Variants in SH3D19 observed in about 807,000 individuals in gnomAD.
The protein encoded by SH3D19 is SH3 domain-containing protein 19.
SH3D19 carries 58 observed loss-of-function variants against 112.1 expected under a neutral mutation model. That is an observed-to-expected ratio of 0.52 (90% CI 0.42 to 0.64). The LOEUF is 0.64. SH3D19 is among the 30% of genes least tolerant of loss of function. The pLI is 0.00. For missense variants in SH3D19, 1,090 were observed against 1,263.4 expected (o/e 0.86, Z 2.08); for synonymous variants, 391 against 448.5 (o/e 0.87, Z 1.62).
intron 3 of SH3D19, among the ~76,000 whole-genome samples, chr4:151,182,065 T>C (rs1370850757): frequency 6.6e-6 from 1 of 152,084 alleles, no homozygotes; most frequent in African/African-American, 2.4e-5. Context: ...ATTGGCTCAC[T>C]GCAGCCTCGA....
In SH3D19 at chr4:151,161,261, G is replaced by A. The variant is rs116911155; in HGVS notation, c.1643-1909C>T. 5.1e-4 allele frequency among the ~76,000 whole-genome samples: 78 copies of A among 152,224 alleles called. No homozygotes were observed. The East Asian group carries it at 0.013, about 26-fold the overall frequency. On this transcript the variant is annotated intron_variant, in intron 8 of 19. Transcript: ENST00000604030. ...AACCTGGTCAGAAGAAACAGGCCCC[G>A]GGGAAAGGAGCTGACAGGTTCAAAT...
At chr4:151,162,134 T>G (rs1757268078) in intron 8 of SH3D19, among the ~76,000 whole-genome samples, 1 of 151,982 alleles carries the variant, frequency 6.6e-6, no homozygotes. Context: ...TTTGTCCTAA[T>G]GCTCTCCCTC....
intron 1 of SH3D19, chr4:151,283,070 C>T: frequency 1.3e-6 from 2 of 1,582,112 alleles, no homozygotes; most frequent in Non-Finnish European, 1.7e-6. Flanking sequence ...GCTGCCCCTG[C>T]ACTTTTCTAG....
intron 1 of SH3D19, among the ~76,000 whole-genome samples, chr4:151,278,631 T>C (rs1773880785): frequency 6.6e-6 from 1 of 151,738 alleles, no homozygotes; most frequent in African/African-American, 2.4e-5. Context: ...TCTCACCACA[T>C]TTTTTTCCTT....
intron 2 of SH3D19, among the ~76,000 whole-genome samples, chr4:151,198,041 C>T (rs1442474175): frequency 6.6e-6 from 1 of 151,956 alleles, no homozygotes; most frequent in African/African-American, 2.4e-5. Flanking sequence ...TGCGGTGGCT[C>T]ATGCCTGTAA....
At chr4:151,282,544 T>C in intron 1 of SH3D19, 1 of 866,094 alleles carries the variant, frequency 1.2e-6, no homozygotes, top group East Asian at 2.7e-5. Flanking sequence ...TGATATTATC[T>C]ATAAGTTTTT....
intron 1 of SH3D19, among the ~76,000 whole-genome samples, chr4:151,232,217 C>G (rs555636153): frequency 6.6e-6 from 1 of 152,280 alleles, no homozygotes; most frequent in African/African-American, 2.4e-5. Flanking sequence ...AAGAAGCAGA[C>G]TATCTCTGGA....
At chr4:151,172,212 A>G (rs541322862) in intron 7 of SH3D19, among the ~76,000 whole-genome samples, 6 of 152,294 alleles carry the variant, frequency 3.9e-5, no homozygotes, top group African/African-American at 9.6e-5. Flanking sequence ...TACAATGACA[A>G]TGCTACCAAA....
intron 3 of SH3D19, among the ~76,000 whole-genome samples, chr4:151,183,447 T>C (rs1342064395): frequency 1.3e-5 from 2 of 152,342 alleles, no homozygotes; most frequent in East Asian, 3.9e-4. Flanking sequence ...GCGATCGTCC[T>C]ACTCAAACTT....
intron 2 of SH3D19, among the ~76,000 whole-genome samples, chr4:151,190,238 G>A (rs964277209): frequency 1.1e-4 from 17 of 152,178 alleles, no homozygotes; most frequent in Non-Finnish European, 2.4e-4. Flanking sequence ...TTTTATAAGG[G>A]AAGCAGAGCA....
At chr4:151,265,115 T>TA (rs561672250) in intron 1 of SH3D19, among the ~76,000 whole-genome samples, 3 of 151,696 alleles carry the variant, frequency 2.0e-5, no homozygotes, top group Non-Finnish European at 4.4e-5. Context: ...TCCATACATA[T>TA]AAAAAAAGAA....
At chr4:151,255,242 C>G (rs1464298699) in intron 1 of SH3D19, among the ~76,000 whole-genome samples, 1 of 147,720 alleles carries the variant, frequency 6.8e-6, no homozygotes, top group East Asian at 2.1e-4. Flanking sequence ...GGGCGGCTGC[C>G]GGGCGGAGGG....
At chr4:151,264,874 G>A (rs896784788) in intron 1 of SH3D19, among the ~76,000 whole-genome samples, 12 of 151,630 alleles carry the variant, frequency 7.9e-5, no homozygotes, top group African/African-American at 2.2e-4. Context: ...CATAGGATGC[G>A]GATTAAAATA....
At chr4:151,127,101 C>A (rs531800930) in intron 19 of SH3D19, among the ~76,000 whole-genome samples, 1 of 151,922 alleles carries the variant, frequency 6.6e-6, no homozygotes, top group South Asian at 2.1e-4. Flanking sequence ...TTAGTAGAGA[C>A]GGGGTTTCAC....
At chr4:151,282,150 C>A in intron 1 of SH3D19, 1 of 1,613,618 alleles carries the variant, frequency 6.2e-7, no homozygotes, top group East Asian at 2.2e-5. Context: ...CCCCATAGGA[C>A]CTGGACTACT....
chr4:151,263,471 A>G (rs1772531805), intron 1 of SH3D19, among the ~76,000 whole-genome samples: 1 of 152,246 alleles, frequency 6.6e-6, no homozygotes, highest in African/African-American at 2.4e-5. Context: ...TTAGTTATCT[A>G]TTGCAGTACA....
chr4:151,270,072 T>A (rs1040714735), intron 1 of SH3D19, among the ~76,000 whole-genome samples: 10 of 151,972 alleles, frequency 6.6e-5, no homozygotes, highest in African/African-American at 2.4e-4. Context: ...TTTTTTTTTT[T>A]AAAGTAGACA....
intron 9 of SH3D19, among the ~76,000 whole-genome samples, chr4:151,150,824 T>TGTTATAGCC (rs1200918191): frequency 6.6e-6 from 1 of 152,116 alleles, no homozygotes; most frequent in African/African-American, 2.4e-5. Context: ...TTTCTGAACA[T>TGTTATAGCC]GTTATAGCCC....
chr4:151,249,084 C>T (rs1175821942), intron 1 of SH3D19, among the ~76,000 whole-genome samples: 1 of 151,966 alleles, frequency 6.6e-6, no homozygotes, highest in Admixed American at 6.6e-5. Flanking sequence ...ACATGAATGC[C>T]CAACTATAAA....
Sources: gnomAD v4.1 joint callset for allele counts (sites outside exome capture counted in the v4.1 genomes callset) on GRCh38, gnomAD v4.1.1 for gene constraint, MANE v1.5 for transcripts, NCBI Gene and HGNC (gene_info 2026-07-23, HGNC 2026-07-21) for gene names.